SEMA6D: variants seen among roughly 807,000 people sequenced by gnomAD.
SEMA6D encodes semaphorin-6D.
Under a neutral mutation model 106.6 loss-of-function variants are expected in SEMA6D, and 35 were observed. That is an observed-to-expected ratio of 0.33 (90% confidence interval 0.25 to 0.44). The LOEUF (loss-of-function observed/expected upper bound fraction) is 0.44, where lower values mean the gene tolerates loss of function less well. SEMA6D is among the 20% of genes least tolerant of loss of function. The pLI is 1.00. For missense variants in SEMA6D, 1,185 were observed against 1,345.9 expected, an observed-to-expected ratio of 0.88 and a Z score of 1.87; for synonymous variants, 499 against 487.7, an observed-to-expected ratio of 1.02 and a Z score of -0.31.
intron 1 of SEMA6D, among the ~76,000 whole-genome samples, chr15:47,374,714 G>A (rs970774553): frequency 5.3e-5 from 8 of 152,192 alleles, no homozygotes; most frequent in African/African-American, 1.2e-4. Context: ...GTGCAGAAAT[G>A]AAGAGGAGGA....
upstream of SEMA6D, among the ~76,000 whole-genome samples, chr15:47,715,826 G>A (rs1428321270): frequency 6.6e-6 from 1 of 152,126 alleles, no homozygotes; most frequent in Admixed American, 6.5e-5. Flanking sequence ...GACAACTCAA[G>A]AGCTTTCTGT....
At chr15:47,385,372 G>A (rs1305132722) in intron 1 of SEMA6D, among the ~76,000 whole-genome samples, 1 of 152,094 alleles carries the variant, frequency 6.6e-6, no homozygotes, top group African/African-American at 2.4e-5. Flanking sequence ...TACTGTGAAG[G>A]CAACATGGTC....
At chr15:47,633,685 A>G (rs1344461626) in intron 4 of SEMA6D, among the ~76,000 whole-genome samples, 1 of 152,154 alleles carries the variant, frequency 6.6e-6, no homozygotes, top group Non-Finnish European at 1.5e-5. Flanking sequence ...ACTTTGGGAA[A>G]TGTTCTACTT....
At chr15:47,397,052 T>C (rs894736674) in intron 1 of SEMA6D, among the ~76,000 whole-genome samples, 6 of 152,148 alleles carry the variant, frequency 3.9e-5, no homozygotes, top group Admixed American at 3.3e-4. Flanking sequence ...CTTGGGCCTA[T>C]TTATAAGTCC....
At chr15:47,620,934 C>T (rs1405571317) in intron 4 of SEMA6D, among the ~76,000 whole-genome samples, 1 of 151,794 alleles carries the variant, frequency 6.6e-6, no homozygotes, top group Non-Finnish European at 1.5e-5. Context: ...CAGCTCTTGA[C>T]AGCACGGAAT....
intron 3 of SEMA6D, among the ~76,000 whole-genome samples, chr15:47,478,077 AC>A (rs1819559737): frequency 6.6e-6 from 1 of 151,674 alleles, no homozygotes; most frequent in Non-Finnish European, 1.5e-5. Flanking sequence ...TTATTTCTCA[AC>A]CCCTTTTAAC....
intron 4 of SEMA6D, among the ~76,000 whole-genome samples, chr15:47,623,808 T>C (rs535405232): frequency 6.6e-6 from 1 of 152,260 alleles, no homozygotes; most frequent in Non-Finnish European, 1.5e-5. Context: ...AAATAAGACA[T>C]CCATATAGAT....
At chr15:47,319,400 G>T (rs1311584289) in intron 1 of SEMA6D, among the ~76,000 whole-genome samples, 3 of 152,270 alleles carry the variant, frequency 2.0e-5, no homozygotes, top group Non-Finnish European at 4.4e-5. Context: ...CTTGGTAAAT[G>T]GACAGCTGTA....
intron 2 of SEMA6D, among the ~76,000 whole-genome samples, chr15:47,446,684 G>A (rs2140876390): frequency 6.6e-6 from 1 of 152,142 alleles, no homozygotes; most frequent in South Asian, 2.1e-4. Flanking sequence ...TACCATGTTT[G>A]TTTGAAATCT....
intron 3 of SEMA6D, among the ~76,000 whole-genome samples, chr15:47,488,272 G>A (rs2043356481): frequency 6.6e-6 from 1 of 152,040 alleles, no homozygotes; most frequent in African/African-American, 2.4e-5. Flanking sequence ...CCTTCTCCCA[G>A]CTGTCAACAG....
upstream of SEMA6D, among the ~76,000 whole-genome samples, chr15:47,716,503 G>A (rs1437212138): frequency 6.6e-6 from 1 of 152,074 alleles, no homozygotes; most frequent in Non-Finnish European, 1.5e-5. Flanking sequence ...AATTAAGTTT[G>A]GCGGAAAAAG....
At chr15:47,727,661 C>A (rs964874197) in intron 1 of SEMA6D, among the ~76,000 whole-genome samples, 1 of 151,868 alleles carries the variant, frequency 6.6e-6, no homozygotes, top group South Asian at 2.1e-4. Flanking sequence ...GGCTTCCCCC[C>A]CAACCCCCCC....
chr15:47,703,906 A>G (rs2078863299), intron 4 of SEMA6D, among the ~76,000 whole-genome samples: 1 of 152,206 alleles, frequency 6.6e-6, no homozygotes, highest in Non-Finnish European at 1.5e-5. Context: ...AATAAAATTA[A>G]TCACTCTTAA....
At chr15:47,622,219 A>G (rs1030942147) in intron 4 of SEMA6D, among the ~76,000 whole-genome samples, 1 of 150,630 alleles carries the variant, frequency 6.6e-6, no homozygotes, top group Non-Finnish European at 1.5e-5. Flanking sequence ...AAAAAAAAAA[A>G]GAAATGAAAA....
intron 4 of SEMA6D, among the ~76,000 whole-genome samples, chr15:47,682,103 G>A (rs1226531448): frequency 1.3e-5 from 2 of 151,960 alleles, no homozygotes; most frequent in African/African-American, 2.4e-5. Context: ...TATTTAGCCC[G>A]AGATCTTTTC....
At chr15:47,242,371 G>T (rs1189925323) in intron 1 of SEMA6D, among the ~76,000 whole-genome samples, 2 of 152,086 alleles carry the variant, frequency 1.3e-5, no homozygotes, top group African/African-American at 4.8e-5. Context: ...CTTTACCAAG[G>T]TTTTAAATGC....
At chr15:47,712,525 G>A (rs926627886), upstream of SEMA6D, among the ~76,000 whole-genome samples, 5 of 152,192 alleles carry the variant, frequency 3.3e-5, no homozygotes, top group African/African-American at 1.2e-4. Flanking sequence ...GATCTGGGAT[G>A]AAACAGGTAT....
chr15:47,445,669 A>T (rs1482565729), intron 2 of SEMA6D, among the ~76,000 whole-genome samples: 1 of 151,888 alleles, frequency 6.6e-6, no homozygotes, highest in Non-Finnish European at 1.5e-5. Context: ...CCCTTTTATC[A>T]AATGTTTAGA....
rs537336526 is a variant in SEMA6D at position 47,728,768 on chromosome 15, C to T, written c.-55+11076C>T. 6.6e-5 allele frequency among the ~76,000 whole-genome samples: 10 copies of T among 152,304 alleles called. No individual in the cohort carries two copies. The East Asian group carries it at 9.7e-4, about 15-fold the overall frequency. On this transcript the variant is annotated intron_variant, in intron 1 of 18. Transcript: ENST00000536845. ...CAGGCTGTCTTCATTTCTTCTCACA[C>T]GTGACCCTTTTCCTCCATCTTCAAA...
Sources: gnomAD v4.1 joint callset for allele counts (sites outside exome capture counted in the v4.1 genomes callset) on GRCh38, gnomAD v4.1.1 for gene constraint, MANE v1.5 for transcripts, NCBI Gene and HGNC (gene_info 2026-07-23, HGNC 2026-07-21) for gene names.